Variants in PRKN observed in about 807,000 individuals in gnomAD.
PRKN encodes the protein parkin RBR E3 ubiquitin protein ligase, also known as E3 ubiquitin-protein ligase parkin.
A neutral mutation model predicts 59.5 loss-of-function variants in PRKN; 56 were observed. That is an observed-to-expected ratio of 0.94 (90% confidence interval 0.76 to 1.18). The LOEUF (loss-of-function observed/expected upper bound fraction) is 1.18. Ranked by LOEUF, PRKN falls within the 50% of genes most tolerant of loss-of-function variation. PRKN has a pLI of 0.00. For synonymous variants in PRKN, 250 were observed against 222.1 expected, an observed-to-expected ratio of 1.13 and a Z score of -1.12; for missense variants, 657 against 596.4, an observed-to-expected ratio of 1.10 and a Z score of -1.06.
intron 9 of PRKN, among the ~76,000 whole-genome samples, chr6:161,408,654 T>C (rs1304280836): frequency 6.6e-6 from 1 of 152,094 alleles, no homozygotes; most frequent in African/African-American, 2.4e-5. Context: ...ATGTGTGGAA[T>C]GCAAGTAGGA....
rs1786375312 is a variant in PRKN at position 161,388,737 on chromosome 6, C to T, written c.1084-1860G>A. ...TGGGACACTTGCTCTTGAAGCCCAG[C>T]TGCCATATGGTAAGGAAGCTCAACA... On this transcript the variant is annotated intron_variant, in intron 9 of 11. Transcript: ENST00000366898. The surrounding 1 kb of genome is among the most constrained non-coding windows in gnomAD (Gnocchi z 4.3). Among the ~76,000 whole-genome samples the T allele has an allele frequency of 6.6e-6, 1 of 152,330 alleles. No individual in the cohort carries two copies. Among genetic ancestry groups the T allele is most frequent in the East Asian group, 1.9e-4 (1 of 5,184 alleles).
intron 5 of PRKN, among the ~76,000 whole-genome samples, chr6:161,991,474 T>C (rs1256742589): frequency 6.6e-6 from 1 of 152,186 alleles, no homozygotes; most frequent in Non-Finnish European, 1.5e-5. Context: ...TCTTTACTCA[T>C]TAATAATAAC....
intron 7 of PRKN, among the ~76,000 whole-genome samples, chr6:161,570,141 AAAAAAATAT>A (rs1363801022): frequency 7.4e-6 from 1 of 134,426 alleles, no homozygotes; most frequent in African/African-American, 2.9e-5. Context: ...AAAAAAAAAA[AAAAAAATAT>A]ATATATATAT....
chr6:161,420,145 G>A (rs1348328367), intron 9 of PRKN, among the ~76,000 whole-genome samples: 2 of 151,904 alleles, frequency 1.3e-5, no homozygotes, highest in Non-Finnish European at 2.9e-5. Flanking sequence ...GGCTGAGACA[G>A]GAGAATTGCT....
Position 161,503,253 on chromosome 6 carries a change from C to T in PRKN, c.1083+45601G>A, listed in dbSNP as rs563353988. On this transcript the variant is annotated intron_variant, in intron 9 of 11. Transcript: ENST00000366898. This position sits in a 1 kb window ranked among gnomAD's most constrained non-coding sequence, Gnocchi z 5.1. Reference sequence around the variant, plus strand: ...GAACGGGAGGGGGCTGCTGCTGTACCGTAGAGTCTTGATGAATTTATGGCT... The same window carrying T: ...GAACGGGAGGGGGCTGCTGCTGTACTGTAGAGTCTTGATGAATTTATGGCT... 4.7e-4 allele frequency among the ~76,000 whole-genome samples: 71 copies of T among 152,012 alleles called. No homozygotes were observed. Among genetic ancestry groups the T allele is most frequent in the South Asian group, 4.4e-3 (21 of 4,810 alleles).
chr6:162,202,192 G>C (rs1235869180), intron 3 of PRKN, among the ~76,000 whole-genome samples: 1 of 152,010 alleles, frequency 6.6e-6, no homozygotes, highest in African/African-American at 2.4e-5. Flanking sequence ...GAGGCACCTA[G>C]AGATAATATA....
At chr6:162,572,349 G>A (rs1195147697) in intron 1 of PRKN, among the ~76,000 whole-genome samples, 2 of 152,142 alleles carry the variant, frequency 1.3e-5, no homozygotes, top group Admixed American at 6.6e-5. Context: ...AAGAATTTAT[G>A]GCTACAGAAA....
At chr6:162,617,034 G>C (rs1006698703) in intron 1 of PRKN, among the ~76,000 whole-genome samples, 1 of 152,046 alleles carries the variant, frequency 6.6e-6, no homozygotes, top group Non-Finnish European at 1.5e-5. Context: ...GGCATTTTAA[G>C]TTAGATCTTA....
At chr6:161,767,529 AC>A (rs1233074548) in intron 7 of PRKN, among the ~76,000 whole-genome samples, 14 of 148,634 alleles carry the variant, frequency 9.4e-5, no homozygotes, top group East Asian at 2.0e-4. Context: ...AAAAAAAAAA[AC>A]AAAAACCAAT....
chr6:161,864,290 A>G (rs1172370105), intron 6 of PRKN, among the ~76,000 whole-genome samples: 1 of 152,186 alleles, frequency 6.6e-6, no homozygotes, highest in South Asian at 2.1e-4. Context: ...TGTCATCTCA[A>G]CAATGTTCAC....
At chr6:161,573,410 G>C (rs1780969809) in intron 7 of PRKN, among the ~76,000 whole-genome samples, 1 of 152,014 alleles carries the variant, frequency 6.6e-6, no homozygotes, top group Non-Finnish European at 1.5e-5. Flanking sequence ...ACACATTGAA[G>C]ACATATTGTC....
chr6:162,139,324 A>C (rs1781681730), intron 4 of PRKN, among the ~76,000 whole-genome samples: 1 of 152,166 alleles, frequency 6.6e-6, no homozygotes. Flanking sequence ...ATTGGGTGAA[A>C]ATTTTTAGAA....
intron 6 of PRKN, among the ~76,000 whole-genome samples, chr6:161,914,570 G>C (rs971822544): frequency 7.2e-5 from 11 of 151,890 alleles, no homozygotes; most frequent in Non-Finnish European, 1.6e-4. Flanking sequence ...AAAAAAAATT[G>C]TGAAATGCTT....
Position 161,446,677 on chromosome 6 carries a change from C to CA in PRKN, c.1084-59801dup, listed in dbSNP as rs1017639291. ...GATTTATTAGACCTCCCCTTTCTAT[C>CA]AAATTAAAGCTCTGCACAAACGAAA... is the stretch of plus-strand genomic sequence containing the variant. On this transcript the variant is annotated intron_variant, in intron 9 of 11. Coordinates refer to ENST00000366898, the MANE Select transcript of PRKN (RefSeq NM_004562.3). The surrounding 1 kb of genome is among the most constrained non-coding windows in gnomAD (Gnocchi z 6.2). Among the ~76,000 whole-genome samples the CA allele has an allele frequency of 1.3e-5, 2 of 152,168 alleles. No homozygotes were observed. Among genetic ancestry groups the CA allele is most frequent in the Admixed American group, 1.3e-4 (2 of 15,274 alleles).
chr6:161,597,721 T>A (rs1192083161), intron 7 of PRKN, among the ~76,000 whole-genome samples: 1 of 152,188 alleles, frequency 6.6e-6, no homozygotes, highest in Non-Finnish European at 1.5e-5. Context: ...GCCCTGCCCA[T>A]GCAGGCACAT....
At chr6:162,486,540 T>A (rs1218952737) in intron 1 of PRKN, among the ~76,000 whole-genome samples, 2 of 152,172 alleles carry the variant, frequency 1.3e-5, no homozygotes, top group Non-Finnish European at 2.9e-5. Flanking sequence ...GCTCATCTAT[T>A]TGTGAGAGAC....
chr6:161,436,654 T>A (rs187773461), intron 9 of PRKN, among the ~76,000 whole-genome samples: 5 of 151,946 alleles, frequency 3.3e-5, no homozygotes, highest in Non-Finnish European at 7.4e-5. Flanking sequence ...GTGGGTCAAA[T>A]TGAAACTCCT....
intron 7 of PRKN, among the ~76,000 whole-genome samples, chr6:161,570,138 A>ATAT (rs1401631518): frequency 2.3e-4 from 30 of 132,758 alleles, no homozygotes; most frequent in African/African-American, 4.7e-4. Flanking sequence ...AAAAAAAAAA[A>ATAT]AAAAAAAAAT....
At chr6:161,886,978 G>A (rs1223099580) in intron 6 of PRKN, among the ~76,000 whole-genome samples, 3 of 152,110 alleles carry the variant, frequency 2.0e-5, no homozygotes, top group African/African-American at 4.8e-5. Flanking sequence ...AGAAAGATGT[G>A]TAGAAATTAT....
Sources: allele counts gnomAD v4.1 joint callset (sites outside exome capture counted in the v4.1 genomes callset), GRCh38; gene constraint gnomAD v4.1.1; non-coding constraint Gnocchi (gnomAD v3.1); transcripts MANE v1.5; gene names NCBI Gene and HGNC (gene_info 2026-07-23, HGNC 2026-07-21).